Variants in SLC6A2 observed in about 807,000 individuals in gnomAD.
SLC6A2 encodes solute carrier family 6 member 2.
In SLC6A2, 26 loss-of-function variants were observed where a neutral mutation model predicts 71.7. The ratio of observed to expected loss-of-function variants is 0.36; its 90% CI spans 0.27 to 0.50. SLC6A2 has a LOEUF of 0.50. Among genes scored for constraint, SLC6A2 ranks in the 20% least tolerant of loss-of-function variants. The pLI is 0.96. For missense variants in SLC6A2, 581 were observed against 803.9 expected, an observed-to-expected ratio of 0.72 and a Z score of 3.35; for synonymous variants, 363 against 337.9, an observed-to-expected ratio of 1.07 and a Z score of -0.82.
At chr16:55,662,379 A>G (rs1964633299) in intron 2 of SLC6A2, among the ~76,000 whole-genome samples, 1 of 152,196 alleles carries the variant, frequency 6.6e-6, no homozygotes, top group Admixed American at 6.5e-5. Flanking sequence ...AATGCCTATC[A>G]TATGCCAGGA....
intron 12 of SLC6A2, 85 bp downstream of exon 12, chr16:55,699,739 G>A: frequency 1.0e-6 from 1 of 993,982 alleles, no homozygotes. Flanking sequence ...TGCTTCTTAG[G>A]GGAGGAGGCT....
rs1964846447 is a variant in SLC6A2, at chr16:55,669,529, G to T, written c.275-36G>T. On this transcript the variant is annotated intron_variant, in intron 2 of 14. Coordinates refer to ENST00000568943, the MANE Select transcript of SLC6A2 (RefSeq NM_001172501.3). ...GGATCCAAGACTGGGAGGGGCAGGG[G>T]TCTGTCAGGTCACACTCTGCCCCTG... 6.8e-6 allele frequency: 11 copies of T among 1,612,202 alleles called. No individual in the cohort carries two copies. In the East Asian group the frequency reaches 2.5e-4, roughly 36 times the overall value.
rs575187628 is a variant in SLC6A2 at position 55,656,547 on chromosome 16, G to A, written c.-51-97G>A. On this transcript the variant is annotated intron_variant, in intron 1 of 14. Coordinates refer to ENST00000568943, the MANE Select transcript of SLC6A2 (RefSeq NM_001172501.3). This position sits in a 1 kb window ranked among gnomAD's most constrained non-coding sequence, Gnocchi z 4.5. Reference sequence around the variant, plus strand: ...GGAACCCTGCGTCCGCTCAGCGCGCGCTCATCCCAGTGTCTAAGGCGCTCC... The same window carrying A: ...GGAACCCTGCGTCCGCTCAGCGCGCACTCATCCCAGTGTCTAAGGCGCTCC... The A allele has an allele frequency of 1.1e-5, 11 of 961,924 alleles. No individual in the cohort carries two copies. The highest frequency in any genetic ancestry group is 3.8e-5 in the Admixed American group (2 of 53,102). The allele number at this position is 961,924 out of a possible 1,614,324, so 59.6% of individuals were successfully genotyped here. A position where few individuals can be genotyped will look rare whatever the true frequency, so the allele number is the denominator to read the frequency against.
At chr16:55,682,742 A>G (rs951990577) in intron 4 of SLC6A2, among the ~76,000 whole-genome samples, 4 of 152,150 alleles carry the variant, frequency 2.6e-5, no homozygotes, top group Non-Finnish European at 5.9e-5. Context: ...CTCCCAGGAG[A>G]GGTGACACTG....
intron 4 of SLC6A2, among the ~76,000 whole-genome samples, chr16:55,684,280 A>T (rs2142555942): frequency 6.7e-6 from 1 of 149,298 alleles, no homozygotes. Flanking sequence ...CAGCCTGGGC[A>T]ACAGAGTGAG....
chr16:55,700,420 G>GTCGTCCCGTCT, intron 13 of SLC6A2, 114 bp downstream of exon 13: 1 of 908,844 alleles, frequency 1.1e-6, no homozygotes, highest in Non-Finnish European at 1.6e-6. Flanking sequence ...AGACACTAGG[G>GTCGTCCCGTCT]TCAAACGGAC....
At chr16:55,700,827 A>G (rs1456714874) in intron 13 of SLC6A2, among the ~76,000 whole-genome samples, 1 of 152,162 alleles carries the variant, frequency 6.6e-6, no homozygotes, top group African/African-American at 2.4e-5. Flanking sequence ...ATATTTATAC[A>G]TATGTATATA....
Position 55,672,137 on chromosome 16 carries a change from C to T in SLC6A2, c.606C>T (p.Tyr202=), listed in dbSNP as rs1412704706. 3 of 1,614,110 alleles carry T rather than the reference C, an allele frequency of 1.9e-6. No homozygotes were observed. In the Admixed American group the frequency reaches 5.0e-5, roughly 27 times the overall value. ...NGSVLGNHTK[Y]SKYKFTPAAE... ...CCGTGCTTGGCAACCACACCAAGTA[C>T]TCCAAGTACAAGTTCACGCCGGCAG... The change falls in exon 4 of 15, where the codon TAC becomes TAT. Residue 202 remains tyrosine (Y), a synonymous_variant. Coordinates refer to ENST00000568943, the MANE Select transcript of SLC6A2 (RefSeq NM_001172501.3).
At chr16:55,692,126 A>G in intron 6 of SLC6A2, 74 bp downstream of exon 6, 5 of 1,546,434 alleles carry the variant, frequency 3.2e-6, no homozygotes, top group Non-Finnish European at 4.5e-6. Flanking sequence ...ATGATGGAAA[A>G]TCTGGTCCCA....
In SLC6A2 at chr16:55,705,289, C is replaced by T; in HGVS notation, c.*2943C>T. On this transcript the variant is annotated 3_prime_UTR_variant, in exon 15 of 15. Coordinates refer to ENST00000568943, the MANE Select transcript of SLC6A2 (RefSeq NM_001172501.3). The stretch of plus-strand genomic sequence containing the variant: ...TCCTGCTGAACAGAAATCCCTGAAG[C>T]TGCCTTAATTCTCAAAAGGAGTTAC... 1.3e-6 allele frequency: 2 copies of T among 1,528,858 alleles called. No individual in the cohort carries two copies. The highest frequency in any genetic ancestry group is 1.8e-6 in the Non-Finnish European group (2 of 1,140,760). The allele number at this position is 1,528,858 out of a possible 1,614,324, so 94.7% of individuals were successfully genotyped here. A position where few individuals can be genotyped will look rare whatever the true frequency, so the allele number is the denominator to read the frequency against.
chr16:55,695,369 C>A lies in SLC6A2; in HGVS notation c.1114C>A (p.His372Asn). Residue 372 changes from histidine to asparagine, a missense_variant, in exon 8 of 15, where the codon CAC (histidine) becomes AAC (asparagine). Coordinates refer to ENST00000568943, the MANE Select transcript of SLC6A2 (RefSeq NM_001172501.3). ...CATCCTTGGTTACATGGCCCATGAACACAAGGTCAACATTGAGGATGTGGC... is the reference window on the plus strand; with the variant it reads ...CATCCTTGGTTACATGGCCCATGAAAACAAGGTCAACATTGAGGATGTGGC... ...FSILGYMAHE[H>N]KVNIEDVATE... The A allele has an allele frequency of 1.9e-6, 3 of 1,614,248 alleles. No individual in the cohort carries two copies. Among genetic ancestry groups the A allele is most frequent in the Non-Finnish European group, 2.5e-6 (3 of 1,180,034 alleles).
intron 9 of SLC6A2, among the ~76,000 whole-genome samples, chr16:55,697,035 T>A (rs981555630): frequency 6.6e-6 from 1 of 152,210 alleles, no homozygotes; most frequent in Non-Finnish European, 1.5e-5. Flanking sequence ...AACCCAGTAG[T>A]TTCTTACATC....
At chr16:55,665,001 G>T (rs1161042163) in intron 2 of SLC6A2, among the ~76,000 whole-genome samples, 1 of 152,186 alleles carries the variant, frequency 6.6e-6, no homozygotes, top group Non-Finnish European at 1.5e-5. Flanking sequence ...TCCCTCTTTT[G>T]TGGTGTGGGC....
intron 5 of SLC6A2, among the ~76,000 whole-genome samples, chr16:55,687,617 CACAG>C (rs1225077238): frequency 3.9e-5 from 6 of 152,162 alleles, no homozygotes; most frequent in Non-Finnish European, 8.8e-5. Flanking sequence ...CCTCTGCAGG[CACAG>C]ACAGAGACCC....
Position 55,705,210 on chromosome 16 carries a change from T to C in SLC6A2, c.*2864T>C. The C allele has an allele frequency of 6.5e-7, 1 of 1,535,098 alleles. No individual in the cohort carries two copies. Among genetic ancestry groups the C allele is most frequent in the East Asian group, 2.4e-5 (1 of 40,912 alleles). On this transcript the variant is annotated 3_prime_UTR_variant, in exon 15 of 15. Transcript: ENST00000568943. ...TTTAGCACCCACCTTTTAGCTTTCA[T>C]TCTAGATGAAAACGAGACAAGGGAG...
Position 55,698,015 on chromosome 16 carries a change from G to C in SLC6A2, c.1379G>C (p.Cys460Ser). Residue 460 changes from cysteine (C) to serine (S), a missense_variant, in exon 10 of 15, where the codon TGC (cysteine) becomes TCC (serine). By Grantham distance (112) the Cys-to-Ser change is moderately radical. Around this residue, in one of 5 missense-constraint regions of SLC6A2, gnomAD observed 334 missense variants for 449.0 expected, o/e 0.74. Transcript: ENST00000568943. ...TFSTFLLALF[C>S]ITKGGIYVLT... ...AGCACTTTCCTTCTCGCCCTGTTCT[G>C]CATAACCAAGGTGAGTAGGGGCTGG... 1 of 1,614,096 alleles carries C rather than the reference G, an allele frequency of 6.2e-7. No homozygotes were observed. Among genetic ancestry groups the C allele is most frequent in the Non-Finnish European group, 8.5e-7 (1 of 1,180,016 alleles).
At chr16:55,694,833 G>A (rs1216120315) in intron 7 of SLC6A2, among the ~76,000 whole-genome samples, 1 of 152,162 alleles carries the variant, frequency 6.6e-6, no homozygotes, top group Non-Finnish European at 1.5e-5. Flanking sequence ...TGCATGCACT[G>A]GGGGGAGAAG....
intron 5 of SLC6A2, among the ~76,000 whole-genome samples, chr16:55,691,118 G>A (rs1367083677): frequency 6.7e-6 from 1 of 149,904 alleles, no homozygotes; most frequent in Non-Finnish European, 1.5e-5. Context: ...AGAAAAAAAG[G>A]AAGAGATAAA....
chr16:55,702,554 G>A lies in SLC6A2; in HGVS notation c.*208G>A. On this transcript the variant is annotated 3_prime_UTR_variant, in exon 15 of 15. Transcript: ENST00000568943. ...TGGCCTGGGGGCTGTTAGCTCAGAGGAGAGGAGCAAACAGGAAAATGACTT... is the reference window on the plus strand; with the variant it reads ...TGGCCTGGGGGCTGTTAGCTCAGAGAAGAGGAGCAAACAGGAAAATGACTT... 6.1e-6 allele frequency: 9 copies of A among 1,467,168 alleles called. No homozygotes were observed. Among genetic ancestry groups the A allele is most frequent in the Non-Finnish European group, 8.1e-6 (9 of 1,108,896 alleles). The allele number at this position is 1,467,168 out of a possible 1,614,324, so 90.9% of individuals were successfully genotyped here.
Sources: allele counts gnomAD v4.1 joint callset (sites outside exome capture counted in the v4.1 genomes callset), GRCh38; gene constraint gnomAD v4.1.1; regional missense constraint gnomAD v4.1.1; non-coding constraint Gnocchi (gnomAD v3.1); transcripts MANE v1.5; gene names NCBI Gene and HGNC (gene_info 2026-07-23, HGNC 2026-07-21).